Variants in KCNQ1OT1 observed in about 807,000 individuals in gnomAD.
The protein encoded by KCNQ1OT1 is KCNQ1 antisense RNA 2 (non-protein coding).
In KCNQ1OT1 at chr11:2,673,006, C is replaced by A; in HGVS notation, n.26989G>T. The A allele has an allele frequency of 2.5e-6, 1 of 398,680 alleles. No homozygotes were observed. Among genetic ancestry groups the A allele is most frequent in the South Asian group, 1.3e-4 (1 of 7,830 alleles). The allele number at this position is 398,680 out of a possible 1,614,324, so 24.7% of individuals were successfully genotyped here. On this transcript the variant is annotated non_coding_transcript_exon_variant, in exon 1 of 1. Coordinates refer to ENST00000597346, the Ensembl canonical transcript of KCNQ1OT1. The surrounding 1 kb of genome is among the most constrained non-coding windows in gnomAD (Gnocchi z 4.5). ...TTGCCTAAAGGAGAAGCCAGTGAATCAATGTGTTACTTGAACAAATATAGG... is the reference window on the plus strand; with the variant it reads ...TTGCCTAAAGGAGAAGCCAGTGAATAAATGTGTTACTTGAACAAATATAGG...
In KCNQ1OT1 at chr11:2,645,847, G is replaced by T. The variant is rs556782003; in HGVS notation, n.54148C>A. 2.5e-5 allele frequency: 10 copies of T among 398,548 alleles called. No individual in the cohort carries two copies. The highest frequency in any genetic ancestry group is 4.0e-5 in the Non-Finnish European group (9 of 226,144). 24.7% of individuals were successfully genotyped at this position (398,548 alleles called of 1,614,324 possible). ...CCTGAAGTTGCCTGAGGATTCAGGGGATGTGTGAATTGCCTGAGGATTCAG... is the reference window on the plus strand; with the variant it reads ...CCTGAAGTTGCCTGAGGATTCAGGGTATGTGTGAATTGCCTGAGGATTCAG... On this transcript the variant is annotated non_coding_transcript_exon_variant, in exon 1 of 1. Transcript: ENST00000597346. The surrounding 1 kb of genome is among the most constrained non-coding windows in gnomAD (Gnocchi z 5.8).
Position 2,695,178 on chromosome 11 carries a change from G to A in KCNQ1OT1, n.4817C>T. The A allele has an allele frequency of 5.0e-6, 2 of 398,624 alleles. No homozygotes were observed. Among genetic ancestry groups the A allele is most frequent in the African/African-American group, 2.1e-5 (1 of 48,748 alleles). 24.7% of individuals were successfully genotyped at this position (398,624 alleles called of 1,614,324 possible). A position where few individuals can be genotyped will look rare whatever the true frequency, so the allele number is the denominator to read the frequency against. On this transcript the variant is annotated non_coding_transcript_exon_variant, in exon 1 of 1. Coordinates refer to ENST00000597346, the Ensembl canonical transcript of KCNQ1OT1. This position sits in a 1 kb window ranked among gnomAD's most constrained non-coding sequence, Gnocchi z 5.2. ...GGGACTCTGCACAGAGTTGATCACA[G>A]CCCTCAGCCTATGAAACACTGTCAC...
At chr11:2,684,421 C>G (rs1274972691) in exon 1 of KCNQ1OT1, 1 of 398,662 alleles carries the variant, frequency 2.5e-6, no homozygotes, top group East Asian at 3.6e-5. Flanking sequence ...TGCCCCAGCA[C>G]CACCTCTTTC....
rs1849145053 is a variant in KCNQ1OT1 at position 2,620,217 on chromosome 11, T to TTA, written n.79777_79778insTA. 1 of 261,082 alleles carries TTA rather than the reference T, an allele frequency of 3.8e-6. No homozygotes were observed. The highest frequency in any genetic ancestry group is 2.5e-5 in the African/African-American group (1 of 40,796). 16.2% of individuals were successfully genotyped at this position (261,082 alleles called of 1,614,324 possible). A position where few individuals can be genotyped will look rare whatever the true frequency, so the allele number is the denominator to read the frequency against. On this transcript the variant is annotated non_coding_transcript_exon_variant, in exon 1 of 1. Coordinates refer to ENST00000597346, the Ensembl canonical transcript of KCNQ1OT1. The surrounding 1 kb of genome is among the most constrained non-coding windows in gnomAD (Gnocchi z 4.5). ...CATTCATGTATATATATATATTTTT[T>TTA]TTTTTTATTTTTTTTTTAGACGGAG...
chr11:2,693,974 G>C, exon 1 of KCNQ1OT1: 1 of 398,720 alleles, frequency 2.5e-6, no homozygotes, highest in Non-Finnish European at 4.4e-6. Flanking sequence ...ACTGGAGAAG[G>C]TGAGCAGGCC....
chr11:2,653,465 G>T lies in KCNQ1OT1; in HGVS notation n.46530C>A. 2.5e-6 allele frequency: 1 copy of T among 397,616 alleles called. No individual in the cohort carries two copies. Among genetic ancestry groups the T allele is most frequent in the South Asian group, 1.3e-4 (1 of 7,816 alleles). 24.6% of individuals were successfully genotyped at this position (397,616 alleles called of 1,614,324 possible). ...GGACATTTTTTGGCTCACACAGCTG[G>T]ACCCAGCTGTTTCAGACACAGCTGG... is the stretch of plus-strand genomic sequence containing the variant. On this transcript the variant is annotated non_coding_transcript_exon_variant, in exon 1 of 1. Transcript: ENST00000597346. The surrounding 1 kb of genome is among the most constrained non-coding windows in gnomAD (Gnocchi z 5.3).
chr11:2,686,490 C>T (rs780240985), exon 1 of KCNQ1OT1: 9 of 398,612 alleles, frequency 2.3e-5, no homozygotes, highest in Non-Finnish European at 3.5e-5. Flanking sequence ...TACCCCCACC[C>T]TCACCCAGTG....
rs1047278541 is a variant in KCNQ1OT1 at position 2,690,398 on chromosome 11, A to G, written n.9597T>C. On this transcript the variant is annotated non_coding_transcript_exon_variant, in exon 1 of 1. Transcript: ENST00000597346. The surrounding 1 kb of genome is among the most constrained non-coding windows in gnomAD (Gnocchi z 5.1). ...GAACATGTGCCAGACCAAAAGAGCT[A>G]TCTCTCTCCCTGCGAAAGGCTGGGG... 1.8e-5 allele frequency: 7 copies of G among 398,590 alleles called. No individual in the cohort carries two copies. The highest frequency in any genetic ancestry group is 8.8e-6 in the Non-Finnish European group (2 of 226,132). The allele number at this position is 398,590 out of a possible 1,614,324, so 24.7% of individuals were successfully genotyped here.
At chr11:2,646,949 A>T (rs765029748) in exon 1 of KCNQ1OT1, 1 of 398,486 alleles carries the variant, frequency 2.5e-6, no homozygotes, top group Non-Finnish European at 4.4e-6. Context: ...ACAATATGAC[A>T]TTCTCTTTTC....
exon 1 of KCNQ1OT1, chr11:2,631,266 T>A: frequency 2.5e-6 from 1 of 398,534 alleles, no homozygotes. Context: ...AAACTTCCCT[T>A]GTTACCTTTT....
In KCNQ1OT1 at chr11:2,661,360, G is replaced by A; in HGVS notation, n.38635C>T. 2.5e-6 allele frequency: 1 copy of A among 406,084 alleles called. No homozygotes were observed. The highest frequency in any genetic ancestry group is 4.3e-6 in the Non-Finnish European group (1 of 229,930). 25.2% of individuals were successfully genotyped at this position (406,084 alleles called of 1,614,324 possible). A position where few individuals can be genotyped will look rare whatever the true frequency, so the allele number is the denominator to read the frequency against. Reference sequence around the variant, plus strand: ...GAGCTCCTGTGTCAAAGTTGCAGAGGTGGGCCCAGGAATCATAATGTGAAG... The same window carrying A: ...GAGCTCCTGTGTCAAAGTTGCAGAGATGGGCCCAGGAATCATAATGTGAAG... On this transcript the variant is annotated non_coding_transcript_exon_variant, in exon 1 of 1. Coordinates refer to ENST00000597346, the Ensembl canonical transcript of KCNQ1OT1. The surrounding 1 kb of genome is among the most constrained non-coding windows in gnomAD (Gnocchi z 5.9).
exon 1 of KCNQ1OT1, chr11:2,667,706 G>C (rs933152830): frequency 1.4e-4 from 57 of 398,824 alleles, no homozygotes; most frequent in African/African-American, 9.0e-4. Context: ...TAGTCAGGAA[G>C]TCTGGAAGCC....
exon 1 of KCNQ1OT1, chr11:2,662,211 G>A (rs768361718): frequency 3.9e-5 from 51 of 1,303,854 alleles, no homozygotes; most frequent in South Asian, 2.3e-4. Context: ...ACCACTTGCC[G>A]TCTGCCTGGC....
rs1470808740 is a variant in KCNQ1OT1, at chr11:2,620,477, A to C, written n.79518T>G. The C allele has an allele frequency of 8.8e-6, 3 of 341,658 alleles. No homozygotes were observed. Among genetic ancestry groups the C allele is most frequent in the Non-Finnish European group, 1.6e-5 (3 of 191,532 alleles). The allele number at this position is 341,658 out of a possible 1,614,324, so 21.2% of individuals were successfully genotyped here. ...GTGATCCACCCGCCTTGGCCTCCCA[A>C]AGTGCTGGGATTACAGGTGAGAGCT... On this transcript the variant is annotated non_coding_transcript_exon_variant, in exon 1 of 1. Coordinates refer to ENST00000597346, the Ensembl canonical transcript of KCNQ1OT1. This position sits in a 1 kb window ranked among gnomAD's most constrained non-coding sequence, Gnocchi z 4.5.
chr11:2,666,324 G>A (rs959248653), exon 1 of KCNQ1OT1: 1 of 398,654 alleles, frequency 2.5e-6, no homozygotes, highest in Admixed American at 4.4e-5. Context: ...CCCCCACCAG[G>A]TGACTGTGAG....
exon 1 of KCNQ1OT1, chr11:2,628,236 A>C (rs1849291913): frequency 2.5e-6 from 1 of 398,502 alleles, no homozygotes; most frequent in South Asian, 1.3e-4. Flanking sequence ...TGACTGTATC[A>C]ATTTACATTC....
Position 2,620,544 on chromosome 11 carries a change from T to C in KCNQ1OT1, n.79451A>G, listed in dbSNP as rs994892389. On this transcript the variant is annotated non_coding_transcript_exon_variant, in exon 1 of 1. Transcript: ENST00000597346. This position sits in a 1 kb window ranked among gnomAD's most constrained non-coding sequence, Gnocchi z 4.5. ...TTCATTCATTTTTATGGCTGCATAG[T>C]ATTCCATGGTGTACATGTACCACAT... The C allele has an allele frequency of 2.5e-6, 1 of 395,374 alleles. No homozygotes were observed. The highest frequency in any genetic ancestry group is 4.5e-6 in the Non-Finnish European group (1 of 224,644). 24.5% of individuals were successfully genotyped at this position (395,374 alleles called of 1,614,324 possible). A position where few individuals can be genotyped will look rare whatever the true frequency, so the allele number is the denominator to read the frequency against.
In KCNQ1OT1 at chr11:2,676,844, C is replaced by T. The variant is rs1351728302; in HGVS notation, n.23151G>A. 4 of 398,580 alleles carry T rather than the reference C, an allele frequency of 1.0e-5. No individual in the cohort carries two copies. 24.7% of individuals were successfully genotyped at this position (398,580 alleles called of 1,614,324 possible). A position where few individuals can be genotyped will look rare whatever the true frequency, so the allele number is the denominator to read the frequency against. On this transcript the variant is annotated non_coding_transcript_exon_variant, in exon 1 of 1. Transcript: ENST00000597346. The surrounding 1 kb of genome is among the most constrained non-coding windows in gnomAD (Gnocchi z 4.2). Reference sequence around the variant, plus strand: ...CCACAGGGGTCATGTTGTAATGACACCTGTCAGCTTTGACTGGGGAGCCCT... The same window carrying T: ...CCACAGGGGTCATGTTGTAATGACATCTGTCAGCTTTGACTGGGGAGCCCT...
rs1222606744 is a variant in KCNQ1OT1 at position 2,647,849 on chromosome 11, A to G, written n.52146T>C. On this transcript the variant is annotated non_coding_transcript_exon_variant, in exon 1 of 1. Coordinates refer to ENST00000597346, the Ensembl canonical transcript of KCNQ1OT1. The surrounding 1 kb of genome is among the most constrained non-coding windows in gnomAD (Gnocchi z 4.0). ...GTGTCCATTGTAAGTCTCCTTTTTC[A>G]TTTCTGATTTTATTTATTGGGTCTT... is the stretch of plus-strand genomic sequence containing the variant. 1 of 397,898 alleles carries G rather than the reference A, an allele frequency of 2.5e-6. No homozygotes were observed. Among genetic ancestry groups the G allele is most frequent in the African/African-American group, 2.1e-5 (1 of 48,418 alleles). 24.6% of individuals were successfully genotyped at this position (397,898 alleles called of 1,614,324 possible).
Sources: gnomAD v4.1 joint callset for allele counts on GRCh38, gnomAD v4.1.1 for gene constraint, Gnocchi (gnomAD v3.1) non-coding constraint, MANE v1.5 for transcripts, NCBI Gene and HGNC (gene_info 2026-07-23, HGNC 2026-07-21) for gene names.